The following RFC3 variants were observed in gnomAD, a reference collection of about 807,000 sequenced individuals.
The protein encoded by RFC3 is A1 38 kDa subunit.
RFC3 carries 41 observed loss-of-function variants against 45.1 expected under a neutral mutation model. That is an observed-to-expected ratio of 0.91 (90% confidence interval 0.71 to 1.18). RFC3 has a LOEUF of 1.18. Ranked by LOEUF, RFC3 falls within the 50% of genes most tolerant of loss-of-function variation. The probability of loss-of-function intolerance (pLI) is 0.00; values close to 1 mark genes in which losing one functional copy is unlikely to be tolerated. For missense variants in RFC3, 423 were observed against 428.1 expected (o/e 0.99, Z 0.10); for synonymous variants, 149 against 144.0 (o/e 1.03, Z -0.25).
At chr13:33,939,175 T>C (rs1201088035) in intron 8 of RFC3, among the ~76,000 whole-genome samples, 1 of 152,210 alleles carries the variant, frequency 6.6e-6, no homozygotes, top group Non-Finnish European at 1.5e-5. Context: ...GGCTTGTTTT[T>C]TCACTTGGTT....
chr13:33,898,932 C>A lies in RFC3; in HGVS notation c.879+63715C>A, dbSNP rs916089047. On this transcript the variant is annotated intron_variant, in intron 8 of 8. Coordinates refer to the RFC3 transcript ENST00000434425. ...AAATAAATAAATTCCTGAACACATA[C>A]AACCTGCCAAGATTGAACCATGAAG... Among the ~76,000 whole-genome samples, 5 of 151,620 alleles carry A rather than the reference C, an allele frequency of 3.3e-5. 1 individual carries two copies. In the South Asian group the frequency reaches 1.0e-3, roughly 31 times the overall value.
downstream of RFC3, among the ~76,000 whole-genome samples, chr13:33,968,162 C>G (rs534254801): frequency 8.8e-4 from 134 of 152,288 alleles, no homozygotes; most frequent in Middle Eastern, 3.4e-3. Context: ...GAGTCTGGCT[C>G]TGTCGCCTAG....
At chr13:33,907,843 A>T (rs1313245457) in intron 8 of RFC3, among the ~76,000 whole-genome samples, 1 of 152,112 alleles carries the variant, frequency 6.6e-6, no homozygotes, top group African/African-American at 2.4e-5. Context: ...TGTAATCAGA[A>T]ATAATTCTTC....
At chr13:33,923,598 T>C (rs1237184381) in intron 8 of RFC3, among the ~76,000 whole-genome samples, 1 of 152,008 alleles carries the variant, frequency 6.6e-6, no homozygotes, top group African/African-American at 2.4e-5. Flanking sequence ...ATTCTGGGGA[T>C]TTTGAACATA....
chr13:33,925,417 T>G (rs1234902192), intron 8 of RFC3, among the ~76,000 whole-genome samples: 1 of 142,614 alleles, frequency 7.0e-6, no homozygotes, highest in Non-Finnish European at 1.5e-5. Context: ...TATACATACA[T>G]AGTGTACTAT....
At chr13:33,835,370 A>C in intron 8 of RFC3, 153 bp downstream of exon 8, 1 of 744,794 alleles carries the variant, frequency 1.3e-6, no homozygotes, top group Non-Finnish European at 2.5e-6. Context: ...TGTGCCAGGC[A>C]CTATTAGAGG....
At chr13:33,845,714 AGCT>A (rs1447353880) in intron 8 of RFC3, among the ~76,000 whole-genome samples, 2 of 152,156 alleles carry the variant, frequency 1.3e-5, no homozygotes, top group African/African-American at 4.8e-5. Context: ...TCCTCAAAAC[AGCT>A]GTTTGGAATT....
chr13:33,862,126 C>G (rs2082344530), intron 8 of RFC3, among the ~76,000 whole-genome samples: 1 of 152,176 alleles, frequency 6.6e-6, no homozygotes, highest in Non-Finnish European at 1.5e-5. Flanking sequence ...TTCAATTAAT[C>G]AAAAATGTTT....
At chr13:33,907,057 C>T (rs192012003) in intron 8 of RFC3, among the ~76,000 whole-genome samples, 223 of 152,110 alleles carry the variant, frequency 1.5e-3, no homozygotes, top group Middle Eastern at 3.4e-3. Context: ...TCACTGGGCC[C>T]GAATGATCCT....
intron 8 of RFC3, among the ~76,000 whole-genome samples, chr13:33,874,419 G>C (rs2082432682): frequency 6.6e-6 from 1 of 152,212 alleles, no homozygotes; most frequent in Non-Finnish European, 1.5e-5. Context: ...CCAGGTTCCA[G>C]CGATTCTCCT....
At chr13:33,950,500 A>G (rs889048202) in intron 8 of RFC3, among the ~76,000 whole-genome samples, 21 of 152,228 alleles carry the variant, frequency 1.4e-4, no homozygotes, top group Non-Finnish European at 2.9e-4. Context: ...ATATTTAGAA[A>G]ACCAGTGGAA....
chr13:33,916,757 T>G (rs1404369633), intron 8 of RFC3, among the ~76,000 whole-genome samples: 1 of 148,608 alleles, frequency 6.7e-6, no homozygotes, highest in African/African-American at 2.6e-5. Context: ...TGTGTACATA[T>G]GAGTGTGCAT....
At chr13:33,952,611 G>A (rs1361210082) in intron 8 of RFC3, among the ~76,000 whole-genome samples, 3 of 152,148 alleles carry the variant, frequency 2.0e-5, no homozygotes, top group Non-Finnish European at 4.4e-5. Flanking sequence ...TACTTTCCCT[G>A]GTGATCTCTT....
Position 33,829,819 on chromosome 13 carries a change from G to T in RFC3, c.392-17G>T, listed in dbSNP as rs775826688. ...GTGAACTCAAGTTAAAGTTTGTTTT[G>T]TTTCTCTTTGACTCAGTGGTATTAT... On this transcript the variant is annotated splice_polypyrimidine_tract_variant and intron_variant, in intron 4 of 8. Transcript: ENST00000380071. 1.2e-6 allele frequency: 2 copies of T among 1,608,908 alleles called. No homozygotes were observed. Among genetic ancestry groups the T allele is most frequent in the South Asian group, 2.2e-5 (2 of 90,930 alleles).
intron 8 of RFC3, among the ~76,000 whole-genome samples, chr13:33,940,060 A>G (rs1566036403): frequency 6.6e-6 from 1 of 152,092 alleles, no homozygotes; most frequent in Non-Finnish European, 1.5e-5. Flanking sequence ...ACTGGATTTT[A>G]TTCCATTAAT....
chr13:33,855,085 T>C (rs1401372090), intron 8 of RFC3, among the ~76,000 whole-genome samples: 1 of 152,164 alleles, frequency 6.6e-6, no homozygotes, highest in East Asian at 1.9e-4. Context: ...GGGATGGTAA[T>C]ATACAACAGG....
chr13:33,831,188 G>T, intron 6 of RFC3, 68 bp from the exon 7 acceptor site: 4 of 960,942 alleles, frequency 4.2e-6, no homozygotes, highest in Non-Finnish European at 6.7e-6. Context: ...ACCAGTGGTT[G>T]GGGACTCCTG....
chr13:33,827,263 A>G (rs1428838713), intron 4 of RFC3, among the ~76,000 whole-genome samples: 8 of 152,152 alleles, frequency 5.3e-5, no homozygotes, highest in African/African-American at 1.9e-4. Context: ...TACTCCAGCC[A>G]GGGTGACAGA....
intron 7 of RFC3, among the ~76,000 whole-genome samples, chr13:33,834,381 A>T (rs1341282569): frequency 1.4e-5 from 2 of 140,536 alleles, no homozygotes; most frequent in East Asian, 4.1e-4. Flanking sequence ...GTGTATTTGG[A>T]ACTTTCTCTC....
Sources: allele counts gnomAD v4.1 joint callset (sites outside exome capture counted in the v4.1 genomes callset), GRCh38; gene constraint gnomAD v4.1.1; transcripts MANE v1.5; gene names NCBI Gene and HGNC (gene_info 2026-07-23, HGNC 2026-07-21).